Variants in CMIP observed in about 807,000 individuals in gnomAD.
CMIP encodes the protein c-Maf inducing protein.
A neutral mutation model predicts 97.3 loss-of-function variants in CMIP; 13 were observed. The observed-to-expected ratio is 0.13, with a 90% CI of 0.09 to 0.21. The LOEUF is 0.21. Among genes scored for constraint, CMIP ranks in the 10% least tolerant of loss-of-function variants. CMIP has a pLI of 1.00. For synonymous variants in CMIP, 538 were observed against 436.3 expected (o/e 1.23, Z -2.91); for missense variants, 847 against 1,024.9 (o/e 0.83, Z 2.37).
intron 1 of CMIP, among the ~76,000 whole-genome samples, chr16:81,578,017 C>G (rs1482178262): frequency 1.3e-5 from 2 of 151,724 alleles, no homozygotes; most frequent in Non-Finnish European, 2.9e-5. Context: ...TTCATCACCA[C>G]CATCATCCCC....
At chr16:81,624,099 GTTTCT>G (rs2092027493) in intron 3 of CMIP, among the ~76,000 whole-genome samples, 1 of 143,208 alleles carries the variant, frequency 7.0e-6, no homozygotes, top group Non-Finnish European at 1.5e-5. Flanking sequence ...TTCCTTCCTT[GTTTCT>G]TTTCTCTTTT....
intron 17 of CMIP, among the ~76,000 whole-genome samples, chr16:81,703,083 A>T (rs1354341761): frequency 6.6e-6 from 1 of 152,056 alleles, no homozygotes; most frequent in South Asian, 2.1e-4. Flanking sequence ...TGATGCCCCC[A>T]TTATATTTGA....
chr16:81,649,364 C>A (rs9927060), intron 3 of CMIP, among the ~76,000 whole-genome samples: 1 of 152,228 alleles, frequency 6.6e-6, no homozygotes, highest in Non-Finnish European at 1.5e-5. Flanking sequence ...CCCGAGGGCT[C>A]GTGTCTGAAA....
intron 1 of CMIP, among the ~76,000 whole-genome samples, chr16:81,446,893 T>G (rs1272955243): frequency 1.5e-5 from 2 of 131,440 alleles, no homozygotes; most frequent in Non-Finnish European, 3.1e-5. Flanking sequence ...ACTTTTATTC[T>G]TAATTTGGGG....
intron 1 of CMIP, among the ~76,000 whole-genome samples, chr16:81,548,514 C>T (rs2090592680): frequency 6.6e-6 from 1 of 151,998 alleles, no homozygotes; most frequent in Non-Finnish European, 1.5e-5. Context: ...ACTAGATGCC[C>T]ACAGCACCCT....
chr16:81,683,413 C>G (rs1014009542), intron 10 of CMIP, among the ~76,000 whole-genome samples: 1 of 152,190 alleles, frequency 6.6e-6, no homozygotes, highest in Non-Finnish European at 1.5e-5. Flanking sequence ...GTCCTAATGA[C>G]TGGGAGGCAG....
At chr16:81,660,990 TC>T in intron 6 of CMIP, 44 bp downstream of exon 6, 1 of 1,611,560 alleles carries the variant, frequency 6.2e-7, no homozygotes, top group East Asian at 2.2e-5. Flanking sequence ...GGAAGTAACC[TC>T]CCTCTGTGCG....
chr16:81,461,316 CT>C (rs141280137), intron 1 of CMIP, among the ~76,000 whole-genome samples: 19 of 152,184 alleles, frequency 1.2e-4, no homozygotes, highest in Non-Finnish European at 1.8e-4. Context: ...CCCCTTCCCC[CT>C]TTTTTTGTTT....
chr16:81,509,819 C>G (rs992701508), intron 1 of CMIP, among the ~76,000 whole-genome samples: 2 of 152,210 alleles, frequency 1.3e-5, no homozygotes, highest in Admixed American at 1.3e-4. Context: ...TGCTGTCTTC[C>G]TGTCTCCCTT....
chr16:81,543,452 G>C (rs561731303), intron 1 of CMIP, among the ~76,000 whole-genome samples: 2 of 152,272 alleles, frequency 1.3e-5, no homozygotes, highest in South Asian at 4.1e-4. Context: ...GCCGCCCAGG[G>C]CTCCCTGCTG....
chr16:81,548,797 G>A (rs949634328), intron 1 of CMIP, among the ~76,000 whole-genome samples: 4 of 152,138 alleles, frequency 2.6e-5, no homozygotes, highest in South Asian at 2.1e-4. Context: ...AGTGAGCTAC[G>A]ATCATGCTGC....
chr16:81,537,735 A>G (rs1309323972), intron 1 of CMIP, among the ~76,000 whole-genome samples: 3 of 147,900 alleles, frequency 2.0e-5, no homozygotes, highest in African/African-American at 5.0e-5. Context: ...AAATGCCCCA[A>G]ATGGGAGTTT....
intron 20 of CMIP, among the ~76,000 whole-genome samples, chr16:81,708,541 G>C (rs1024754900): frequency 5.3e-5 from 8 of 152,232 alleles, no homozygotes; most frequent in African/African-American, 1.9e-4. Context: ...ACATTTGAGA[G>C]AGACATGGTG....
chr16:81,456,113 A>G (rs550840600), intron 1 of CMIP, among the ~76,000 whole-genome samples: 255 of 152,280 alleles, frequency 1.7e-3, no homozygotes, highest in African/African-American at 5.9e-3. Flanking sequence ...GGCTTGCTTC[A>G]GGGTAGGAAA....
chr16:81,574,227 C>T (rs1323751059), intron 1 of CMIP, among the ~76,000 whole-genome samples: 1 of 152,256 alleles, frequency 6.6e-6, no homozygotes, highest in African/African-American at 2.4e-5. Flanking sequence ...CCCACCTGCC[C>T]TACTTCCCTC....
At chr16:81,575,342 C>T (rs1052209405) in intron 1 of CMIP, among the ~76,000 whole-genome samples, 1 of 152,102 alleles carries the variant, frequency 6.6e-6, no homozygotes, top group African/African-American at 2.4e-5. Flanking sequence ...CTGAATTGGC[C>T]CCTTCCTCTC....
intron 3 of CMIP, among the ~76,000 whole-genome samples, chr16:81,626,213 G>T (rs1413015024): frequency 6.6e-6 from 1 of 152,182 alleles, no homozygotes; most frequent in Admixed American, 6.5e-5. Flanking sequence ...GTGAGTGTGT[G>T]TGCGCGTGAG....
intron 1 of CMIP, among the ~76,000 whole-genome samples, chr16:81,557,271 T>C (rs770069069): frequency 6.6e-6 from 1 of 152,236 alleles, no homozygotes; most frequent in African/African-American, 2.4e-5. Context: ...CAATGCCAAA[T>C]GCATGTTGGT....
intron 1 of CMIP, among the ~76,000 whole-genome samples, chr16:81,532,304 T>C (rs2090253485): frequency 6.6e-6 from 1 of 152,256 alleles, no homozygotes; most frequent in Admixed American, 6.5e-5. Flanking sequence ...GAAGTGTGTG[T>C]GCACCTGCGT....
Sources: gnomAD v4.1 joint callset for allele counts (sites outside exome capture counted in the v4.1 genomes callset) on GRCh38, gnomAD v4.1.1 for gene constraint, MANE v1.5 for transcripts, NCBI Gene and HGNC (gene_info 2026-07-23, HGNC 2026-07-21) for gene names.